DNM3: variants seen among roughly 807,000 people sequenced by gnomAD.
DNM3 encodes the protein dynamin 3, also known as dynamin-3.
In DNM3, 47 loss-of-function variants were observed where a neutral mutation model predicts 101.6. The observed-to-expected ratio is 0.46, with a 90% CI of 0.37 to 0.59. The LOEUF is 0.59. DNM3 is among the 20% of genes least tolerant of loss of function. The pLI, the probability that DNM3 is intolerant of heterozygous loss-of-function variation, is 0.00. For synonymous variants in DNM3, 385 were observed against 387.9 expected, an observed-to-expected ratio of 0.99 and a Z score of 0.09; for missense variants, 849 against 1,085.7, an observed-to-expected ratio of 0.78 and a Z score of 3.06.
rs1388413990 is a variant in DNM3, at chr1:171,978,063, A to T, written c.236-9593A>T. ...GGTTTATTTGTTGATTCCTTCAGTCATCTACTCATTCATTTATTTATTCAT... is the reference window on the plus strand; with the variant it reads ...GGTTTATTTGTTGATTCCTTCAGTCTTCTACTCATTCATTTATTTATTCAT... On this transcript the variant is annotated intron_variant, in intron 2 of 20. Transcript: ENST00000627582. Among the ~76,000 whole-genome samples, 6 of 152,164 alleles carry T rather than the reference A, an allele frequency of 3.9e-5. No individual in the cohort carries two copies. In the South Asian group the frequency reaches 1.0e-3, roughly 26 times the overall value.
intron 4 of DNM3, among the ~76,000 whole-genome samples, chr1:172,030,686 A>G (rs1281086591): frequency 6.6e-6 from 1 of 152,202 alleles, no homozygotes; most frequent in Non-Finnish European, 1.5e-5. Flanking sequence ...TCTACAAAGA[A>G]CATAAACAAA....
At chr1:171,962,221 C>T (rs1444613047) in intron 2 of DNM3, among the ~76,000 whole-genome samples, 1 of 152,178 alleles carries the variant, frequency 6.6e-6, no homozygotes, top group African/African-American at 2.4e-5. Flanking sequence ...CTTAGAGGCT[C>T]CTTTCACTGC....
At chr1:172,200,652 A>G (rs1458347710) in intron 14 of DNM3, among the ~76,000 whole-genome samples, 4 of 151,996 alleles carry the variant, frequency 2.6e-5, no homozygotes, top group Non-Finnish European at 5.9e-5. Flanking sequence ...TCAGAGAACC[A>G]TTCTTCAAGT....
intron 14 of DNM3, among the ~76,000 whole-genome samples, chr1:172,247,964 G>A (rs573208096): frequency 2.0e-5 from 3 of 152,216 alleles, no homozygotes; most frequent in African/African-American, 7.2e-5. Context: ...GATTACAGGT[G>A]TGAGCCACCA....
intron 2 of DNM3, among the ~76,000 whole-genome samples, chr1:171,935,197 A>G (rs2125384920): frequency 6.6e-6 from 1 of 152,218 alleles, no homozygotes; most frequent in Non-Finnish European, 1.5e-5. Context: ...CAGAATTACT[A>G]TCTAATTTCC....
intron 1 of DNM3, among the ~76,000 whole-genome samples, chr1:171,918,384 G>T (rs1212489139): frequency 6.6e-6 from 1 of 152,168 alleles, no homozygotes; most frequent in African/African-American, 2.4e-5. Flanking sequence ...TCAAAGGAAG[G>T]TTCTGTGTTT....
At chr1:171,964,385 T>C (rs2043427917) in intron 2 of DNM3, among the ~76,000 whole-genome samples, 1 of 152,168 alleles carries the variant, frequency 6.6e-6, no homozygotes. Flanking sequence ...GATTCCTGTG[T>C]TTAGATAAAC....
chr1:172,027,096 G>A (rs896040236), intron 4 of DNM3, among the ~76,000 whole-genome samples: 2 of 152,118 alleles, frequency 1.3e-5, no homozygotes, highest in African/African-American at 2.4e-5. Flanking sequence ...CCTGAAGGGA[G>A]CACTAAATAT....
intron 14 of DNM3, among the ~76,000 whole-genome samples, chr1:172,161,048 T>C (rs542066908): frequency 1.3e-5 from 2 of 151,950 alleles, no homozygotes; most frequent in African/African-American, 4.8e-5. Context: ...TGTAAATCAA[T>C]ACCAGTTTAT....
chr1:172,327,418 C>T (rs928879684), intron 17 of DNM3, among the ~76,000 whole-genome samples: 1 of 152,110 alleles, frequency 6.6e-6, no homozygotes, highest in African/African-American at 2.4e-5. Flanking sequence ...TACACCAAGC[C>T]CTCAACTCCT....
intron 14 of DNM3, among the ~76,000 whole-genome samples, chr1:172,201,459 C>A (rs1287407826): frequency 6.6e-6 from 1 of 152,154 alleles, no homozygotes; most frequent in Non-Finnish European, 1.5e-5. Flanking sequence ...ACTCCTGGGG[C>A]CTTCACCCCA....
chr1:172,029,279 C>T (rs1295541117), intron 4 of DNM3, among the ~76,000 whole-genome samples: 1 of 152,104 alleles, frequency 6.6e-6, no homozygotes, highest in Non-Finnish European at 1.5e-5. Context: ...AAACATAATC[C>T]ATCACATAAA....
chr1:172,332,783 A>G (rs897378553), intron 17 of DNM3, among the ~76,000 whole-genome samples: 4 of 152,212 alleles, frequency 2.6e-5, no homozygotes, highest in Admixed American at 6.6e-5. Context: ...GGCAAGCCAC[A>G]TGGTTACACC....
intron 2 of DNM3, among the ~76,000 whole-genome samples, chr1:171,982,450 A>G (rs1447903847): frequency 1.3e-5 from 2 of 152,102 alleles, no homozygotes; most frequent in African/African-American, 4.8e-5. Flanking sequence ...GTTTTGCTGA[A>G]TTTTCCATCC....
intron 1 of DNM3, among the ~76,000 whole-genome samples, chr1:171,883,556 C>T (rs2036510058): frequency 6.6e-6 from 1 of 151,864 alleles, no homozygotes; most frequent in Non-Finnish European, 1.5e-5. Flanking sequence ...ACTGCAACTT[C>T]CGCCTCCCGG....
intron 14 of DNM3, among the ~76,000 whole-genome samples, chr1:172,219,150 C>T (rs914524922): frequency 6.6e-6 from 1 of 151,644 alleles, no homozygotes; most frequent in African/African-American, 2.4e-5. Context: ...CCCAGGAATT[C>T]AAGACCAGCC....
In DNM3 at chr1:171,942,789, T is replaced by C. The variant is rs2041908321; in HGVS notation, c.235+20968T>C. 1.3e-5 allele frequency among the ~76,000 whole-genome samples: 2 copies of C among 152,134 alleles called. 1 individual carries two copies. The highest frequency in any genetic ancestry group is 4.8e-5 in the African/African-American group (2 of 41,428). ...TGAAAGGGTGATCCAAGTGGCTATC[T>C]TGAGGAAGAGTATTCCAGGCAGAAG... On this transcript the variant is annotated intron_variant, in intron 2 of 20. Transcript: ENST00000627582.
At chr1:172,277,285 T>G (rs1001847900) in intron 15 of DNM3, among the ~76,000 whole-genome samples, 2 of 152,098 alleles carry the variant, frequency 1.3e-5, no homozygotes, top group Non-Finnish European at 2.9e-5. Flanking sequence ...TTGCAAAAAC[T>G]CATATTTTGC....
At chr1:172,281,633 A>C (rs1480720604) in intron 15 of DNM3, among the ~76,000 whole-genome samples, 1 of 152,160 alleles carries the variant, frequency 6.6e-6, no homozygotes, top group Non-Finnish European at 1.5e-5. Context: ...AATTATTGTT[A>C]CTTTTTAAAA....
Sources: gnomAD v4.1 joint callset for allele counts (sites outside exome capture counted in the v4.1 genomes callset) on GRCh38, gnomAD v4.1.1 for gene constraint, MANE v1.5 for transcripts, NCBI Gene and HGNC (gene_info 2026-07-23, HGNC 2026-07-21) for gene names.